Variants in GULP1 observed in about 807,000 individuals in gnomAD.
The protein encoded by GULP1 is PTB domain-containing engulfment adapter protein 1.
Under a neutral mutation model 40.9 loss-of-function variants are expected in GULP1, and 19 were observed. That is an observed-to-expected ratio of 0.46 (90% confidence interval 0.32 to 0.68). GULP1 has a LOEUF of 0.68. GULP1 is among the 30% of genes least tolerant of loss of function. GULP1 has a pLI of 0.03. For missense variants in GULP1, 312 were observed against 362.2 expected (o/e 0.86, Z 1.12); for synonymous variants, 119 against 117.6 (o/e 1.01, Z -0.08).
intron 7 of GULP1, among the ~76,000 whole-genome samples, chr2:188,550,670 C>T (rs912577156): frequency 6.6e-6 from 1 of 151,598 alleles, no homozygotes; most frequent in East Asian, 1.9e-4. Context: ...TAGAAGGAAT[C>T]ACTGCATCCA....
chr2:188,359,572 C>A (rs534460595), intron 1 of GULP1, among the ~76,000 whole-genome samples: 1 of 152,224 alleles, frequency 6.6e-6, no homozygotes, highest in South Asian at 2.1e-4. Flanking sequence ...AGATTGTGAT[C>A]AAGTTAGTCT....
At chr2:188,439,663 ACT>A (rs1390833456) in intron 2 of GULP1, among the ~76,000 whole-genome samples, 5 of 151,946 alleles carry the variant, frequency 3.3e-5, no homozygotes, top group Non-Finnish European at 7.4e-5. Context: ...TAAGGACATG[ACT>A]CTGGTGGTAG....
At chr2:188,425,929 A>T (rs888993784) in intron 2 of GULP1, among the ~76,000 whole-genome samples, 1 of 152,010 alleles carries the variant, frequency 6.6e-6, no homozygotes, top group Non-Finnish European at 1.5e-5. Context: ...GCCCTTTTTA[A>T]TTTAATTTTT....
chr2:188,317,228 G>A (rs2039232150), intron 1 of GULP1, among the ~76,000 whole-genome samples: 1 of 152,076 alleles, frequency 6.6e-6, no homozygotes, highest in African/African-American at 2.4e-5. Context: ...GGCTCGTTTG[G>A]TTTCCTAAGA....
At chr2:188,299,568 A>G (rs2035757778) in intron 1 of GULP1, among the ~76,000 whole-genome samples, 1 of 152,222 alleles carries the variant, frequency 6.6e-6, no homozygotes, top group Non-Finnish European at 1.5e-5. Context: ...CTGCAAATAA[A>G]GAGATTCTGA....
chr2:188,308,996 A>T (rs1574292660), intron 1 of GULP1, among the ~76,000 whole-genome samples: 1 of 152,182 alleles, frequency 6.6e-6, no homozygotes, highest in East Asian at 1.9e-4. Flanking sequence ...GCAGCATCAG[A>T]TTTTCTTGTT....
At chr2:188,517,719 G>A (rs1005250736) in intron 4 of GULP1, among the ~76,000 whole-genome samples, 14 of 151,944 alleles carry the variant, frequency 9.2e-5, no homozygotes, top group East Asian at 1.9e-4. Flanking sequence ...TGTTTTCCTC[G>A]GTCTGTTTTC....
intron 1 of GULP1, among the ~76,000 whole-genome samples, chr2:188,339,566 G>A (rs1416255185): frequency 6.6e-6 from 1 of 152,088 alleles, no homozygotes; most frequent in Non-Finnish European, 1.5e-5. Flanking sequence ...TCTCATTGGG[G>A]AAGTTTTGAG....
At chr2:188,400,923 T>TTGTGTGTGTGTGTG (rs61060931) in intron 2 of GULP1, among the ~76,000 whole-genome samples, 1 of 139,540 alleles carries the variant, frequency 7.2e-6, no homozygotes, top group South Asian at 2.3e-4. Context: ...AGTGGTGTGT[T>TTGTGTGTGTGTGTG]TGTGTGTGTG....
At position 188,517,568 on chromosome 2, in the gene GULP1, G is replaced by T. The variant is rs74381561; in HGVS notation, c.91-5188G>T. Among the ~76,000 whole-genome samples the T allele has an allele frequency of 0.014, 2,176 of 151,824 alleles. 101 individuals carry two copies. The East Asian group carries it at 0.15, about 11-fold the overall frequency. ...TTTTCTCGAATATATTCACATACTT[G>T]CTGTGTTTTGATATTTAAGATCGAC... is the stretch of plus-strand genomic sequence containing the variant. On this transcript the variant is annotated intron_variant, in intron 4 of 11. Transcript: ENST00000409830.
intron 2 of GULP1, among the ~76,000 whole-genome samples, chr2:188,473,503 C>T (rs902783135): frequency 6.6e-6 from 1 of 152,146 alleles, no homozygotes; most frequent in African/African-American, 2.4e-5. Context: ...CAGTCCTTCT[C>T]AATCTTTCAT....
At chr2:188,515,882 T>C (rs2065122486) in intron 4 of GULP1, among the ~76,000 whole-genome samples, 1 of 152,232 alleles carries the variant, frequency 6.6e-6, no homozygotes, top group African/African-American at 2.4e-5. Flanking sequence ...TTCTGGGGGC[T>C]TAATTTCATT....
intron 2 of GULP1, among the ~76,000 whole-genome samples, chr2:188,419,211 A>G (rs2152756201): frequency 6.6e-6 from 1 of 152,324 alleles, no homozygotes; most frequent in East Asian, 1.9e-4. Context: ...TATTTTGGAT[A>G]AATATCCAGT....
chr2:188,480,765 T>C (rs1430658847), intron 3 of GULP1, among the ~76,000 whole-genome samples: 2 of 151,848 alleles, frequency 1.3e-5, no homozygotes, highest in Non-Finnish European at 2.9e-5. Flanking sequence ...TAAAAAAGTA[T>C]AAAAATAACA....
At chr2:188,322,966 A>G (rs1002136099) in intron 1 of GULP1, among the ~76,000 whole-genome samples, 2 of 151,988 alleles carry the variant, frequency 1.3e-5, no homozygotes, top group African/African-American at 2.4e-5. Flanking sequence ...TATTTGCTCT[A>G]CCATCTGCAC....
In GULP1 at chr2:188,292,105, G is replaced by A. The variant is rs1235814095; in HGVS notation, c.-233G>A. The A allele has an allele frequency of 2.6e-5, 4 of 152,218 alleles. No homozygotes were observed. Among genetic ancestry groups the A allele is most frequent in the Non-Finnish European group, 5.9e-5 (4 of 68,102 alleles). The allele number at this position is 152,218 out of a possible 1,614,324, so 9.4% of individuals were successfully genotyped here. A position where few individuals can be genotyped will look rare whatever the true frequency, so the allele number is the denominator to read the frequency against. On this transcript the variant is annotated 5_prime_UTR_variant, in exon 1 of 12. Transcript: ENST00000409830. The surrounding 1 kb of genome is among the most constrained non-coding windows in gnomAD (Gnocchi z 4.0). ...GCCGGAGTGGAGATCGCCAGGCTCG[G>A]AGGAACCGGCAGCTCTCCACGCCCC...
At chr2:188,329,609 GGGCATATACT>G (rs1363161251) in intron 1 of GULP1, among the ~76,000 whole-genome samples, 3 of 152,104 alleles carry the variant, frequency 2.0e-5, no homozygotes, top group African/African-American at 7.2e-5. Flanking sequence ...TGCCTTTATA[GGGCATATACT>G]CAGAATGAGA....
chr2:188,414,035 G>A (rs910794954), intron 2 of GULP1, among the ~76,000 whole-genome samples: 1 of 151,928 alleles, frequency 6.6e-6, no homozygotes, highest in African/African-American at 2.4e-5. Flanking sequence ...GGACCAACAT[G>A]GTGAAACCCC....
intron 2 of GULP1, among the ~76,000 whole-genome samples, chr2:188,422,921 CT>C (rs2055650723): frequency 6.6e-6 from 1 of 152,098 alleles, no homozygotes; most frequent in Non-Finnish European, 1.5e-5. Flanking sequence ...ATTCTCTGCT[CT>C]TTCGGTTTCC....
Sources: gnomAD v4.1 joint callset for allele counts (sites outside exome capture counted in the v4.1 genomes callset) on GRCh38, gnomAD v4.1.1 for gene constraint, Gnocchi (gnomAD v3.1) non-coding constraint, MANE v1.5 for transcripts, NCBI Gene and HGNC (gene_info 2026-07-23, HGNC 2026-07-21) for gene names.